FTO: variants seen among roughly 807,000 people sequenced by gnomAD.
FTO encodes the protein alpha-ketoglutarate-dependent dioxygenase FTO.
Under a neutral mutation model 63.9 loss-of-function variants are expected in FTO, and 47 were observed. The ratio of observed to expected loss-of-function variants is 0.74; its 90% CI spans 0.58 to 0.94. The LOEUF (loss-of-function observed/expected upper bound fraction) is 0.94, where lower values mean the gene tolerates loss of function less well. Among genes scored for constraint, FTO ranks in the 40% least tolerant of loss-of-function variants. The pLI is 0.00. For missense variants in FTO, 562 were observed against 618.1 expected (o/e 0.91, Z 0.96); for synonymous variants, 207 against 224.4 (o/e 0.92, Z 0.69).
intron 7 of FTO, among the ~76,000 whole-genome samples, chr16:53,932,437 T>C (rs1328983178): frequency 6.6e-6 from 1 of 151,408 alleles, no homozygotes; most frequent in Non-Finnish European, 1.5e-5. Flanking sequence ...TTGCCCAGGC[T>C]AGAGTACAGT....
intron 2 of FTO, among the ~76,000 whole-genome samples, chr16:53,810,949 G>T (rs2151737723): frequency 6.6e-6 from 1 of 152,284 alleles, no homozygotes; most frequent in Non-Finnish European, 1.5e-5. Flanking sequence ...TGGCATCTGG[G>T]ATCTTAGAAA....
intron 8 of FTO, among the ~76,000 whole-genome samples, chr16:54,053,471 G>A (rs1194102564): frequency 2.0e-5 from 3 of 152,094 alleles, no homozygotes; most frequent in Admixed American, 1.3e-4. Context: ...TACAGAAGCC[G>A]AACTGCTCTA....
At chr16:53,952,398 A>C (rs1304735523) in intron 8 of FTO, among the ~76,000 whole-genome samples, 1 of 152,178 alleles carries the variant, frequency 6.6e-6, no homozygotes, top group South Asian at 2.1e-4. Flanking sequence ...ATGTTTTCTG[A>C]AGGGCTCTAA....
chr16:53,768,278 C>A (rs2077257324), intron 1 of FTO, among the ~76,000 whole-genome samples: 1 of 152,224 alleles, frequency 6.6e-6, no homozygotes, highest in Non-Finnish European at 1.5e-5. Flanking sequence ...ACCATTTGCA[C>A]ATCTGCCTGT....
intron 1 of FTO, among the ~76,000 whole-genome samples, chr16:53,735,348 G>T (rs998321039): frequency 6.6e-6 from 1 of 152,214 alleles, no homozygotes; most frequent in Non-Finnish European, 1.5e-5. Flanking sequence ...AACTCATAGG[G>T]TTGATAGTCT....
intron 8 of FTO, among the ~76,000 whole-genome samples, chr16:53,967,340 G>A (rs1418153273): frequency 6.6e-6 from 1 of 152,044 alleles, no homozygotes; most frequent in African/African-American, 2.4e-5. Context: ...GGCAACGCTG[G>A]GTAGTCAGCT....
intron 8 of FTO, among the ~76,000 whole-genome samples, chr16:53,953,674 A>G (rs1488404793): frequency 2.6e-5 from 4 of 152,216 alleles, no homozygotes; most frequent in Non-Finnish European, 5.9e-5. Flanking sequence ...CAATAATATA[A>G]ACACGTAGGA....
intron 8 of FTO, among the ~76,000 whole-genome samples, chr16:54,021,919 T>C (rs2084611572): frequency 6.6e-6 from 1 of 152,214 alleles, no homozygotes; most frequent in Admixed American, 6.5e-5. Flanking sequence ...ACTAGTTTTT[T>C]ATACTTGTTT....
intron 6 of FTO, among the ~76,000 whole-genome samples, chr16:53,881,913 A>G (rs1282332781): frequency 1.3e-5 from 2 of 152,206 alleles, no homozygotes; most frequent in East Asian, 1.9e-4. Flanking sequence ...TCCAGCAGAT[A>G]TTCTTGTCTG....
chr16:53,956,693 A>G (rs1599083795), intron 8 of FTO: 3 of 147,764 alleles, frequency 2.0e-5, no homozygotes, highest in African/African-American at 7.6e-5. Context: ...ATGGAGTTTC[A>G]TTCTCGTTGC....
At chr16:53,749,871 C>T (rs1404868915) in intron 1 of FTO, among the ~76,000 whole-genome samples, 1 of 152,150 alleles carries the variant, frequency 6.6e-6, no homozygotes, top group African/African-American at 2.4e-5. Flanking sequence ...TGAATTCTCT[C>T]AAATGCTTTT....
chr16:53,748,037 T>C (rs1374328408), intron 1 of FTO, among the ~76,000 whole-genome samples: 1 of 152,200 alleles, frequency 6.6e-6, no homozygotes, highest in African/African-American at 2.4e-5. Flanking sequence ...ACTAGTACCA[T>C]GCTGTTTTAA....
chr16:53,904,105 T>G (rs542706144), intron 7 of FTO, among the ~76,000 whole-genome samples: 1 of 152,140 alleles, frequency 6.6e-6, no homozygotes, highest in Non-Finnish European at 1.5e-5. Flanking sequence ...TACATATACA[T>G]ATATGTACAT....
At chr16:54,031,454 T>C (rs2084830901) in intron 8 of FTO, among the ~76,000 whole-genome samples, 1 of 152,140 alleles carries the variant, frequency 6.6e-6, no homozygotes. Flanking sequence ...GGCTAGGGAA[T>C]GGATACTGCT....
chr16:53,709,631 T>C (rs1388536193), intron 1 of FTO, among the ~76,000 whole-genome samples: 1 of 152,158 alleles, frequency 6.6e-6, no homozygotes, highest in Non-Finnish European at 1.5e-5. Flanking sequence ...CCAGATGTTA[T>C]AATTTATTAT....
At chr16:53,724,295 A>G (rs2076103716) in intron 1 of FTO, among the ~76,000 whole-genome samples, 1 of 152,224 alleles carries the variant, frequency 6.6e-6, no homozygotes, top group South Asian at 2.1e-4. Context: ...ATGACGGGTT[A>G]TCTCCTTTCC....
chr16:53,839,490 T>C (rs1368851694), intron 3 of FTO, among the ~76,000 whole-genome samples: 3 of 152,160 alleles, frequency 2.0e-5, no homozygotes, highest in Admixed American at 1.3e-4. Flanking sequence ...GGAAAAACTC[T>C]CACCAAACTA....
intron 7 of FTO, among the ~76,000 whole-genome samples, chr16:53,905,728 G>A (rs143008135): frequency 5.3e-5 from 8 of 152,214 alleles, no homozygotes; most frequent in Middle Eastern, 3.4e-3. Flanking sequence ...TATTCTATAA[G>A]CACCTTGAGA....
intron 1 of FTO, among the ~76,000 whole-genome samples, chr16:53,727,920 C>T (rs2030361044): frequency 6.6e-6 from 1 of 152,134 alleles, no homozygotes; most frequent in Non-Finnish European, 1.5e-5. Context: ...TTTTCTTTTA[C>T]ATCCAGTGTT....
Sources: allele counts gnomAD v4.1 joint callset (sites outside exome capture counted in the v4.1 genomes callset), GRCh38; gene constraint gnomAD v4.1.1; transcripts MANE v1.5; gene names NCBI Gene and HGNC (gene_info 2026-07-23, HGNC 2026-07-21).